Variants in RBM27 observed in about 807,000 individuals in gnomAD.
RBM27 encodes the protein RNA-binding protein 27.
RBM27 carries 22 observed loss-of-function variants against 135.3 expected under a neutral mutation model. The observed-to-expected ratio is 0.16, with a 90% CI of 0.12 to 0.23. The LOEUF (loss-of-function observed/expected upper bound fraction) is 0.23. Ranked by LOEUF, RBM27 falls within the 10% of genes least tolerant of loss-of-function variation. The pLI is 1.00. For missense variants in RBM27, 1,009 were observed against 1,281.0 expected, an observed-to-expected ratio of 0.79 and a Z score of 3.24; for synonymous variants, 481 against 442.4, an observed-to-expected ratio of 1.09 and a Z score of -1.10.
rs1170775323 is a variant in RBM27 at position 146,275,950 on chromosome 5, C to T, written c.2988+4276C>T. On this transcript the variant is annotated intron_variant, in intron 19 of 20. Transcript: ENST00000265271. ...TGATCAATTCAGAAATTCAGCTGCT[C>T]AGATTAATATATTTCTCTTCTTCTA... 2.6e-5 allele frequency among the ~76,000 whole-genome samples: 4 copies of T among 152,134 alleles called. No individual in the cohort carries two copies. In the East Asian group the frequency reaches 7.7e-4, roughly 29 times the overall value.
chr5:146,246,763 G>A (rs1757643179), intron 8 of RBM27, among the ~76,000 whole-genome samples: 1 of 151,974 alleles, frequency 6.6e-6, no homozygotes, highest in Admixed American at 6.6e-5. Context: ...GTGTAATGTA[G>A]TGAATCTTCA....
intron 1 of RBM27, among the ~76,000 whole-genome samples, chr5:146,216,236 G>A (rs1756186943): frequency 1.3e-5 from 2 of 152,050 alleles, no homozygotes. Context: ...TTTTGTAGAA[G>A]CAGGTTTTCA....
intron 19 of RBM27, among the ~76,000 whole-genome samples, chr5:146,277,197 AAGG>A (rs1165595855): frequency 6.6e-6 from 1 of 152,210 alleles, no homozygotes; most frequent in Non-Finnish European, 1.5e-5. Context: ...ACAAATTATA[AAGG>A]AGAAGGCACA....
chr5:146,286,290 C>A lies in RBM27; in HGVS notation c.*260C>A. The A allele has an allele frequency of 3.9e-6, 1 of 258,014 alleles. No homozygotes were observed. Among genetic ancestry groups the A allele is most frequent in the Non-Finnish European group, 7.2e-6 (1 of 138,088 alleles). 16.0% of individuals were successfully genotyped at this position (258,014 alleles called of 1,614,324 possible). A position where few individuals can be genotyped will look rare whatever the true frequency, so the allele number is the denominator to read the frequency against. On this transcript the variant is annotated 3_prime_UTR_variant, in exon 21 of 21. Coordinates refer to ENST00000265271, the MANE Select transcript of RBM27 (RefSeq NM_018989.2). The stretch of plus-strand genomic sequence containing the variant: ...ATAATCTCTAGAGCCTTATTTTCCA[C>A]ACCACCTTTTTTTTGTTGCTGTTGG...
At chr5:146,237,990 A>T (rs567582525) in intron 8 of RBM27, among the ~76,000 whole-genome samples, 1 of 152,288 alleles carries the variant, frequency 6.6e-6, no homozygotes, top group East Asian at 1.9e-4. Flanking sequence ...GCCCAGCCTA[A>T]CGTCAAGTCT....
At chr5:146,262,864 C>T (rs912281557) in intron 13 of RBM27, among the ~76,000 whole-genome samples, 20 of 151,728 alleles carry the variant, frequency 1.3e-4, no homozygotes, top group South Asian at 1.3e-3. Flanking sequence ...GTTAAGACCC[C>T]CTAATTCTTT....
At chr5:146,280,377 G>T (rs916905960) in intron 19 of RBM27, among the ~76,000 whole-genome samples, 1 of 152,060 alleles carries the variant, frequency 6.6e-6, no homozygotes, top group Non-Finnish European at 1.5e-5. Flanking sequence ...ATTTTTAAAG[G>T]TTATACCTAT....
intron 20 of RBM27, 29 bp downstream of exon 20, chr5:146,284,761 G>C (rs778883376): frequency 1.6e-6 from 2 of 1,273,260 alleles, no homozygotes; most frequent in East Asian, 2.3e-5. Flanking sequence ...AATAAGAGTT[G>C]AATTAGATCA....
intron 8 of RBM27, among the ~76,000 whole-genome samples, chr5:146,250,770 C>CTTTTTTTTTTTTTTTTTTTTTTT (rs58027855): frequency 2.6e-4 from 19 of 72,650 alleles, no homozygotes; most frequent in Admixed American, 4.6e-4. Context: ...TTTTTTTGTC[C>CTTTTTTTTTTTTTTTTTTTTTTT]TTTTTTTTTT....
chr5:146,216,587 C>T (rs192337975), intron 1 of RBM27, among the ~76,000 whole-genome samples: 3 of 152,152 alleles, frequency 2.0e-5, no homozygotes. Context: ...TAACAGTTGG[C>T]CTTACTAAGG....
At chr5:146,215,351 A>G (rs899861762) in intron 1 of RBM27, among the ~76,000 whole-genome samples, 1 of 152,168 alleles carries the variant, frequency 6.6e-6, no homozygotes, top group African/African-American at 2.4e-5. Flanking sequence ...CACCCAGCCG[A>G]TATCTGGGTT....
Position 146,286,639 on chromosome 5 carries a change from G to C in RBM27, c.*609G>C, listed in dbSNP as rs1337534772. 1 of 151,628 alleles carries C rather than the reference G, an allele frequency of 6.6e-6. No homozygotes were observed. Among genetic ancestry groups the C allele is most frequent in the Non-Finnish European group, 1.5e-5 (1 of 67,970 alleles). The allele number at this position is 151,628 out of a possible 1,614,324, so 9.4% of individuals were successfully genotyped here. A position where few individuals can be genotyped will look rare whatever the true frequency, so the allele number is the denominator to read the frequency against. On this transcript the variant is annotated 3_prime_UTR_variant, in exon 21 of 21. Transcript: ENST00000265271. ...AGTTCAGTGAAAATCACAACAAACT[G>C]TGTGTTCTTAAATGCTACAGCAATG...
At chr5:146,245,293 T>C (rs1757577456) in intron 8 of RBM27, 1 of 152,196 alleles carries the variant, frequency 6.6e-6, no homozygotes, top group African/African-American at 2.4e-5. Context: ...GTATATACTT[T>C]TGGCTTTTAC....
At chr5:146,262,952 A>G (rs1167829665) in intron 13 of RBM27, among the ~76,000 whole-genome samples, 2 of 148,858 alleles carry the variant, frequency 1.3e-5, no homozygotes, top group African/African-American at 2.5e-5. Context: ...GCAGTGGCTC[A>G]GTCTTGGTTC....
In RBM27 at chr5:146,229,042, G is replaced by A; in HGVS notation, c.395+5G>A. 1 of 1,610,568 alleles carries A rather than the reference G, an allele frequency of 6.2e-7. No individual in the cohort carries two copies. Among genetic ancestry groups the A allele is most frequent in the Non-Finnish European group, 8.5e-7 (1 of 1,177,750 alleles). ...TTCAGAATCTAGTGAACGAAGGTTT[G>A]TGTTTATCTTTAATTAGGAAGACAT... On this transcript the variant is annotated splice_donor_5th_base_variant and intron_variant, in intron 4 of 20. Transcript: ENST00000265271.
chr5:146,284,492 G>A, intron 19 of RBM27, 130 bp from the exon 20 acceptor site: 1 of 684,232 alleles, frequency 1.5e-6, no homozygotes, highest in East Asian at 2.7e-5. Context: ...AGCTCTCATT[G>A]GAGATTGTAG....
chr5:146,284,367 A>G (rs1759496483), intron 19 of RBM27, among the ~76,000 whole-genome samples: 1 of 152,176 alleles, frequency 6.6e-6, no homozygotes, highest in African/African-American at 2.4e-5. Context: ...AAAAAAAATT[A>G]TTTCTTCAAC....
At chr5:146,209,780 T>C (rs913249187) in intron 1 of RBM27, among the ~76,000 whole-genome samples, 1 of 152,248 alleles carries the variant, frequency 6.6e-6, no homozygotes, top group Non-Finnish European at 1.5e-5. Context: ...AGAGAATTAG[T>C]GTGTCTCTAA....
intron 10 of RBM27, among the ~76,000 whole-genome samples, chr5:146,256,755 AGCT>A (rs1758123561): frequency 2.0e-5 from 3 of 152,198 alleles, no homozygotes; most frequent in Admixed American, 2.0e-4. Context: ...AAAGTCACAC[AGCT>A]GTTAAGTGGC....
Sources: gnomAD v4.1 joint callset for allele counts (sites outside exome capture counted in the v4.1 genomes callset) on GRCh38, gnomAD v4.1.1 for gene constraint, MANE v1.5 for transcripts, NCBI Gene and HGNC (gene_info 2026-07-23, HGNC 2026-07-21) for gene names.